The following MMP16 variants were observed in gnomAD, a reference collection of about 807,000 sequenced individuals.
MMP16 encodes the protein matrix metallopeptidase 16.
Under a neutral mutation model 67.8 loss-of-function variants are expected in MMP16, and 12 were observed. The observed-to-expected ratio is 0.18, with a 90% CI of 0.11 to 0.29. The LOEUF (loss-of-function observed/expected upper bound fraction) is 0.29, where lower values mean the gene tolerates loss of function less well. MMP16 is among the 10% of genes least tolerant of loss of function. MMP16 has a pLI of 1.00. For synonymous variants in MMP16, 249 were observed against 255.9 expected (o/e 0.97, Z 0.26); for missense variants, 475 against 765.7 (o/e 0.62, Z 4.48).
chr8:88,143,130 A>C (rs1191848493), intron 4 of MMP16, among the ~76,000 whole-genome samples: 1 of 152,136 alleles, frequency 6.6e-6, no homozygotes, highest in East Asian at 1.9e-4. Context: ...TTGAATTTAA[A>C]ATATCTCGGT....
chr8:88,184,295 G>A (rs1809031716), intron 3 of MMP16, among the ~76,000 whole-genome samples: 1 of 151,944 alleles, frequency 6.6e-6, no homozygotes, highest in African/African-American at 2.4e-5. Context: ...ATGCTTTTAA[G>A]ATATATTTTA....
At chr8:88,097,608 A>G (rs1809050847) in intron 6 of MMP16, among the ~76,000 whole-genome samples, 1 of 142,764 alleles carries the variant, frequency 7.0e-6, no homozygotes, top group East Asian at 2.1e-4. Flanking sequence ...CCTGAGAGCC[A>G]GAGCAAAACC....
At chr8:88,090,479 T>G (rs933685952) in intron 6 of MMP16, among the ~76,000 whole-genome samples, 8 of 151,876 alleles carry the variant, frequency 5.3e-5, no homozygotes, top group Non-Finnish European at 1.2e-4. Context: ...AGTATTTTTG[T>G]GTTGAGCTAC....
At chr8:88,217,354 T>C (rs892295145) in intron 1 of MMP16, among the ~76,000 whole-genome samples, 1 of 152,126 alleles carries the variant, frequency 6.6e-6, no homozygotes, top group African/African-American at 2.4e-5. Flanking sequence ...TATACAGACA[T>C]ACTCACATAT....
At chr8:88,068,722 G>C (rs1808495041) in intron 7 of MMP16, among the ~76,000 whole-genome samples, 1 of 151,764 alleles carries the variant, frequency 6.6e-6, no homozygotes, top group African/African-American at 2.4e-5. Context: ...GTTTTTTTGA[G>C]ACAGAGTCTT....
chr8:88,093,873 T>C (rs1808981153), intron 6 of MMP16, among the ~76,000 whole-genome samples: 1 of 151,842 alleles, frequency 6.6e-6, no homozygotes, highest in Non-Finnish European at 1.5e-5. Context: ...ACTAGCAATT[T>C]CAATGACACT....
chr8:88,150,809 G>C (rs1453196081), intron 4 of MMP16, among the ~76,000 whole-genome samples: 3 of 151,068 alleles, frequency 2.0e-5, no homozygotes, highest in Admixed American at 6.6e-5. Context: ...ATCAACTAAC[G>C]AGCAAAATCA....
intron 1 of MMP16, among the ~76,000 whole-genome samples, chr8:88,267,477 C>T (rs910869650): frequency 2.0e-5 from 3 of 152,198 alleles, no homozygotes; most frequent in South Asian, 2.1e-4. Flanking sequence ...TGCCTCCTCA[C>T]AGCAGACTGT....
chr8:88,188,802 T>C (rs1378574258), intron 2 of MMP16, among the ~76,000 whole-genome samples: 1 of 152,000 alleles, frequency 6.6e-6, no homozygotes, highest in Non-Finnish European at 1.5e-5. Flanking sequence ...ATTACAGGCA[T>C]GCGCCACCAC....
In MMP16 at chr8:88,327,088, T is replaced by C. The variant is rs2130241290; in HGVS notation, c.119A>G (p.Tyr40Cys). The change falls in exon 1 of 10, where the codon TAT becomes TGT. Residue 40 changes from tyrosine to cysteine, a missense_variant. Physicochemically the swap from Tyr to Cys is radical, Grantham distance 194. This residue lies in a region of MMP16 where 170 missense variants were observed against 239.6 expected (regional missense o/e 0.71). Transcript: ENST00000286614. The stretch of plus-strand genomic sequence containing the variant: ...TCGCACTCTTACCTCCACATTGAAA[T>C]ACTGCTCCGTTCCGCAGACTGTAGC... The part of the protein sequence containing the change: ...LCATVCGTEQ[Y>C]FNVEVWLQKY... 6.2e-7 allele frequency: 1 copy of C among 1,613,916 alleles called. No individual in the cohort carries two copies. Among genetic ancestry groups the C allele is most frequent in the Non-Finnish European group, 8.5e-7 (1 of 1,179,934 alleles).
At chr8:88,214,333 A>G (rs975984340) in intron 1 of MMP16, among the ~76,000 whole-genome samples, 1 of 152,104 alleles carries the variant, frequency 6.6e-6, no homozygotes, top group Non-Finnish European at 1.5e-5. Flanking sequence ...CAATCCATCA[A>G]ATTCCAAATC....
At position 88,180,335 on chromosome 8, in the gene MMP16, A is replaced by T. The variant is rs191933292; in HGVS notation, c.404+6141T>A. The stretch of plus-strand genomic sequence containing the variant: ...CCAATAAAAACAGCACAGAGTAAAA[A>T]AAAACAACAAAATTTAACAAAAACA... On this transcript the variant is annotated intron_variant, in intron 3 of 9. Coordinates refer to ENST00000286614, the MANE Select transcript of MMP16 (RefSeq NM_005941.5). 2.8e-3 allele frequency among the ~76,000 whole-genome samples: 419 copies of T among 152,124 alleles called. 5 individuals are homozygous for T. In the Middle Eastern group the frequency reaches 0.048, roughly 17 times the overall value.
At chr8:88,081,261 T>C (rs541750750) in intron 6 of MMP16, among the ~76,000 whole-genome samples, 1 of 152,258 alleles carries the variant, frequency 6.6e-6, no homozygotes, top group East Asian at 1.9e-4. Context: ...AGGAAAAGTG[T>C]ACTTTGGAGA....
intron 6 of MMP16, among the ~76,000 whole-genome samples, chr8:88,080,417 TTTTA>T (rs1294855162): frequency 5.3e-5 from 8 of 152,092 alleles, no homozygotes; most frequent in Admixed American, 2.6e-4. Context: ...TCATGTGTTG[TTTTA>T]TTTATTTATG....
intron 3 of MMP16, among the ~76,000 whole-genome samples, chr8:88,178,725 T>C (rs1012508512): frequency 2.6e-5 from 4 of 152,202 alleles, no homozygotes; most frequent in African/African-American, 7.2e-5. Context: ...AATAAAGAGT[T>C]CGTGCCAATT....
chr8:88,321,893 C>T (rs761689833), intron 1 of MMP16, among the ~76,000 whole-genome samples: 11 of 152,194 alleles, frequency 7.2e-5, no homozygotes, highest in Non-Finnish European at 1.5e-4. Context: ...CTTCCTTCAA[C>T]TTCTCCCCCA....
At position 88,237,681 on chromosome 8, in the gene MMP16, C is replaced by CAACAA. The variant is rs1554587734; in HGVS notation, c.133-40376_133-40375insTTGTT. Among the ~76,000 whole-genome samples, 1,036 of 151,276 alleles carry CAACAA rather than the reference C, an allele frequency of 6.8e-3. 8 individuals carry two copies. Among genetic ancestry groups the CAACAA allele is most frequent in the South Asian group, 0.029 (140 of 4,778 alleles). On this transcript the variant is annotated intron_variant, in intron 1 of 9. Transcript: ENST00000286614. ...AGAACAACAACAACAACAACAACAA[C>CAACAA]AAAAAACAACTGCATCTTGGGTATG...
intron 6 of MMP16, among the ~76,000 whole-genome samples, chr8:88,092,722 AT>A (rs2118350267): frequency 6.6e-6 from 1 of 152,054 alleles, no homozygotes; most frequent in Non-Finnish European, 1.5e-5. Flanking sequence ...ATATAAAGGC[AT>A]TTTTAAATTA....
chr8:88,156,512 T>G (rs545502714), intron 4 of MMP16, among the ~76,000 whole-genome samples: 82 of 152,212 alleles, frequency 5.4e-4, no homozygotes, highest in African/African-American at 1.8e-3. Context: ...AGTTATAAAT[T>G]AAATGTTGTT....
Sources: allele counts gnomAD v4.1 joint callset (sites outside exome capture counted in the v4.1 genomes callset), GRCh38; gene constraint gnomAD v4.1.1; regional missense constraint gnomAD v4.1.1; transcripts MANE v1.5; gene names NCBI Gene and HGNC (gene_info 2026-07-23, HGNC 2026-07-21).